Variants in RP1 observed in about 807,000 individuals in gnomAD.
RP1 encodes oxygen-regulated protein 1.
Under a neutral mutation model 14.8 loss-of-function variants are expected in RP1, and 16 were observed. The ratio of observed to expected loss-of-function variants is 1.08; its 90% CI spans 0.73 to 1.65. The LOEUF (loss-of-function observed/expected upper bound fraction) is 1.65. Ranked by LOEUF, RP1 falls within the 40% of genes most tolerant of loss-of-function variation. RP1 has a pLI of 0.00. For missense variants in RP1, 2,631 were observed against 2,535.0 expected (o/e 1.04, Z -0.81); for synonymous variants, 876 against 883.6 (o/e 0.99, Z 0.15).
intron 19 of RP1, among the ~76,000 whole-genome samples, chr8:54,739,208 A>C (rs1350989400): frequency 1.3e-5 from 2 of 152,176 alleles, no homozygotes; most frequent in Non-Finnish European, 2.9e-5. Flanking sequence ...AAATGAATTT[A>C]ATGCCACTGA....
chr8:54,653,112 A>G (rs1392683619), intron 5 of RP1, among the ~76,000 whole-genome samples: 1 of 152,108 alleles, frequency 6.6e-6, no homozygotes, highest in Non-Finnish European at 1.5e-5. Context: ...CTCTGGATAA[A>G]CTCATATAGC....
At chr8:54,864,536 T>C (rs1048911048) in intron 27 of RP1, among the ~76,000 whole-genome samples, 10 of 152,172 alleles carry the variant, frequency 6.6e-5, no homozygotes, top group African/African-American at 2.4e-4. Context: ...TTTGAAAAAA[T>C]GTTTACAGAT....
At chr8:54,729,672 AT>A (rs1308824622) in intron 17 of RP1, among the ~76,000 whole-genome samples, 3 of 152,134 alleles carry the variant, frequency 2.0e-5, no homozygotes, top group Non-Finnish European at 4.4e-5. Context: ...TATATTAAAT[AT>A]ATCATTTTGT....
chr8:54,743,651 G>A (rs900806811), intron 19 of RP1, among the ~76,000 whole-genome samples: 3 of 151,730 alleles, frequency 2.0e-5, no homozygotes, highest in Non-Finnish European at 4.4e-5. Flanking sequence ...GTCACTGTCC[G>A]TTCTACGAGG....
intron 6 of RP1, among the ~76,000 whole-genome samples, chr8:54,663,418 T>C (rs1223710491): frequency 6.6e-6 from 1 of 152,186 alleles, no homozygotes; most frequent in Non-Finnish European, 1.5e-5. Context: ...AAGAACAAGT[T>C]TTCTGTCTGT....
chr8:54,771,583 T>C (rs1809908748), downstream of RP1, among the ~76,000 whole-genome samples: 1 of 152,096 alleles, frequency 6.6e-6, no homozygotes. Context: ...TCTGTTGTCT[T>C]ATTTTATGGC....
chr8:54,640,524 C>T (rs1456583320), intron 3 of RP1, among the ~76,000 whole-genome samples: 1 of 152,118 alleles, frequency 6.6e-6, no homozygotes, highest in Non-Finnish European at 1.5e-5. Flanking sequence ...TTGGAACTTC[C>T]CCCTGCTGTG....
At chr8:54,829,081 C>A (rs188684339) in intron 24 of RP1, among the ~76,000 whole-genome samples, 5 of 151,604 alleles carry the variant, frequency 3.3e-5, no homozygotes, top group African/African-American at 1.2e-4. Flanking sequence ...TTAGTAGAGA[C>A]GGGGTTTTGC....
chr8:54,656,868 A>G (rs924216463), intron 6 of RP1, among the ~76,000 whole-genome samples: 22 of 151,606 alleles, frequency 1.5e-4, no homozygotes, highest in African/African-American at 5.1e-4. Flanking sequence ...TCTCCAATCC[A>G]GACTATGTTC....
chr8:54,861,078 C>T (rs1441055274), intron 27 of RP1, among the ~76,000 whole-genome samples: 1 of 152,206 alleles, frequency 6.6e-6, no homozygotes, highest in East Asian at 1.9e-4. Flanking sequence ...ACCCTTCCTA[C>T]ATTCTGAATA....
chr8:54,803,719 G>A (rs759744813), intron 24 of RP1, among the ~76,000 whole-genome samples: 4 of 152,070 alleles, frequency 2.6e-5, no homozygotes, highest in Admixed American at 6.6e-5. Context: ...GGGAATATAC[G>A]CATATTCATA....
At chr8:54,620,190 A>G (rs1805820656) in intron 1 of RP1, among the ~76,000 whole-genome samples, 1 of 152,172 alleles carries the variant, frequency 6.6e-6, no homozygotes, top group Admixed American at 6.5e-5. Context: ...CTTTTCCCCA[A>G]TTCATATAAC....
intron 1 of RP1, among the ~76,000 whole-genome samples, chr8:54,594,951 T>C (rs763878487): frequency 2.0e-4 from 31 of 152,136 alleles, no homozygotes; most frequent in Admixed American, 3.3e-4. Context: ...GAAGAGAATA[T>C]CTACTTTTTA....
chr8:54,689,507 T>G (rs1443456268), intron 12 of RP1, among the ~76,000 whole-genome samples: 2 of 152,090 alleles, frequency 1.3e-5, no homozygotes, highest in Non-Finnish European at 2.9e-5. Flanking sequence ...TCAAAGTCAA[T>G]TACTAGGTTA....
At chr8:54,742,031 C>T (rs897127324) in intron 19 of RP1, among the ~76,000 whole-genome samples, 1 of 151,830 alleles carries the variant, frequency 6.6e-6, no homozygotes, top group African/African-American at 2.4e-5. Context: ...TGAGGTTCCT[C>T]AGTAAATGGT....
intron 24 of RP1, among the ~76,000 whole-genome samples, chr8:54,792,143 A>G (rs1810478948): frequency 6.6e-6 from 1 of 152,084 alleles, no homozygotes; most frequent in Non-Finnish European, 1.5e-5. Context: ...GGATCAATTT[A>G]TCAAGAAGAT....
intron 21 of RP1, among the ~76,000 whole-genome samples, chr8:54,756,987 G>A (rs1809524106): frequency 6.6e-6 from 1 of 152,202 alleles, no homozygotes; most frequent in Non-Finnish European, 1.5e-5. Context: ...GTATAAAGAA[G>A]AGTACAGTGA....
chr8:54,653,209 T>C (rs1431074050), intron 5 of RP1, among the ~76,000 whole-genome samples: 4 of 152,190 alleles, frequency 2.6e-5, no homozygotes, highest in Admixed American at 6.5e-5. Flanking sequence ...ACCACTGTGT[T>C]GATGAAATAA....
Position 54,628,353 on chromosome 8 carries a change from G to C in RP1, c.4471G>C (p.Glu1491Gln), listed in dbSNP as rs377386628. ...TVVNGGEQAT[E>Q]ELIQEEVEAS... ...GGTAAATGGAGGAGAGCAAGCCACTGAAGAATTAATCCAAGAAGAGGTAGA... is the reference window on the plus strand; with the variant it reads ...GGTAAATGGAGGAGAGCAAGCCACTCAAGAATTAATCCAAGAAGAGGTAGA... The change falls in exon 4 of 4, where the codon GAA becomes CAA. Residue 1491 changes from glutamate to glutamine, a missense_variant. Physicochemically the swap from Glu to Gln is conservative, Grantham distance 29. Coordinates refer to ENST00000220676, the MANE Select transcript of RP1 (RefSeq NM_006269.2). The C allele has an allele frequency of 2.5e-6, 4 of 1,613,674 alleles. No homozygotes were observed. The African/African-American group carries it at 5.3e-5, about 22-fold the overall frequency.
Sources: allele counts gnomAD v4.1 joint callset (sites outside exome capture counted in the v4.1 genomes callset), GRCh38; gene constraint gnomAD v4.1.1; transcripts MANE v1.5; gene names NCBI Gene and HGNC (gene_info 2026-07-23, HGNC 2026-07-21).